AP4B1: variants seen among roughly 807,000 people sequenced by gnomAD.
The protein encoded by AP4B1 is adaptor related protein complex 4 subunit beta 1.
Under a neutral mutation model 76.5 loss-of-function variants are expected in AP4B1, and 49 were observed. The ratio of observed to expected loss-of-function variants is 0.64; its 90% confidence interval spans 0.51 to 0.81. The LOEUF (loss-of-function observed/expected upper bound fraction) is 0.81. AP4B1 is among the 40% of genes least tolerant of loss of function. The pLI, the probability that AP4B1 is intolerant of heterozygous loss-of-function variation, is 0.00. For missense variants in AP4B1, 911 were observed against 904.9 expected (o/e 1.01, Z -0.09); for synonymous variants, 330 against 333.3 (o/e 0.99, Z 0.11).
intron 4 of AP4B1, 122 bp downstream of exon 4, chr1:113,901,114 T>G (rs1168522462): frequency 7.5e-7 from 1 of 1,331,992 alleles, no homozygotes; most frequent in African/African-American, 1.5e-5. Flanking sequence ...TCTCAAATAA[T>G]AATAATAATA....
At position 113,895,400 on chromosome 1, in the gene AP4B1, C is replaced by T; in HGVS notation, c.1885G>A (p.Asp629Asn). The change falls in exon 10 of 10, where the codon GAT becomes AAT. Residue 629 changes from aspartate (D) to asparagine (N), a missense_variant. Transcript: ENST00000369569. ...MLVPNRQLTA[D>N]YFEKTWLSLK... is the part of the protein sequence containing the mutation. ...CTAAGCCAAGTTTTCTCAAAATAAT[C>T]AGCAGTAAGCTGGCGATTGGGGACT... 1 of 1,614,176 alleles carries T rather than the reference C, an allele frequency of 6.2e-7. No homozygotes were observed. Among genetic ancestry groups the T allele is most frequent in the Non-Finnish European group, 8.5e-7 (1 of 1,180,044 alleles).
chr1:113,895,538 G>A, intron 9 of AP4B1, 46 bp from the exon 10 acceptor site: 1 of 1,609,676 alleles, frequency 6.2e-7, no homozygotes. Flanking sequence ...TTAATCTGTA[G>A]GAGCTAAGTT....
At chr1:113,902,152 G>A in intron 2 of AP4B1, 2 of 467,408 alleles carry the variant, frequency 4.3e-6, no homozygotes, top group African/African-American at 3.9e-5. Flanking sequence ...CCATCCTCCT[G>A]CCTCAGCCTT....
rs1667314971 is a variant in AP4B1, at chr1:113,895,235, T to C, written c.2050A>G (p.Ser684Gly). ...AGACAGCCAGTATCATCCTGAGCAC[T>C]GAGGTATGCTTTCCATGGCCGAGAC... Reference protein sequence around the residue: ...AGSRPWKAYLSAQDDTGCLFL... With the variant: ...AGSRPWKAYLGAQDDTGCLFL... The change falls in exon 10 of 10, where the codon AGT becomes GGT. Residue 684 changes from serine to glycine, a missense_variant. Physicochemically the swap from Ser to Gly is moderately conservative, Grantham distance 56. Coordinates refer to ENST00000369569, the MANE Select transcript of AP4B1 (RefSeq NM_001253852.3). 3 of 1,614,230 alleles carry C rather than the reference T, an allele frequency of 1.9e-6. No individual in the cohort carries two copies. The highest frequency in any genetic ancestry group is 2.5e-6 in the Non-Finnish European group (3 of 1,180,042).
chr1:113,899,733 CA>C (rs3838300), intron 5 of AP4B1, 170 bp downstream of exon 5: 99 of 1,070,406 alleles, frequency 9.2e-5, no homozygotes, highest in Non-Finnish European at 1.1e-4. Context: ...AAACAAAAAA[CA>C]AAAAAAAACT....
At position 113,895,945 on chromosome 1, in the gene AP4B1, C is replaced by A. The variant is rs1429419881; in HGVS notation, c.1604G>T (p.Ser535Ile). The change falls in exon 9 of 10, where the codon AGC becomes ATC. Residue 535 changes from serine to isoleucine, a missense_variant. Transcript: ENST00000369569. ...GIDEVKRILC[S>I]PKSDPTLGLL... ...TCCAAGAGTAGGGTCAGATTTAGGG[C>A]TACACAGAATCCGCTTAACTTCATC... The A allele has an allele frequency of 5.0e-6, 8 of 1,614,190 alleles. No homozygotes were observed. Among genetic ancestry groups the A allele is most frequent in the Non-Finnish European group, 6.8e-6 (8 of 1,180,046 alleles).
chr1:113,900,695 G>A, intron 4 of AP4B1: 1 of 434,574 alleles, frequency 2.3e-6, no homozygotes, highest in South Asian at 2.7e-5. Context: ...GCTTAGTTTG[G>A]GGGACATGAC....
chr1:113,899,893 C>G lies in AP4B1; in HGVS notation c.1114+11G>C. On this transcript the variant is annotated intron_variant, in intron 5 of 9. Transcript: ENST00000369569. ...CTAGGTTCTCAAGAAGGAAAAGGAGCAGACACCTACCTATGGCAAAGATGG... is the reference window on the plus strand; with the variant it reads ...CTAGGTTCTCAAGAAGGAAAAGGAGGAGACACCTACCTATGGCAAAGATGG... 1 of 1,614,124 alleles carries G rather than the reference C, an allele frequency of 6.2e-7. No homozygotes were observed. Among genetic ancestry groups the G allele is most frequent in the Non-Finnish European group, 8.5e-7 (1 of 1,180,016 alleles).
chr1:113,903,987 G>GT (rs544834850), intron 1 of AP4B1, among the ~76,000 whole-genome samples: 263 of 152,316 alleles, frequency 1.7e-3, no homozygotes, highest in Admixed American at 2.7e-3. Flanking sequence ...ATGTGTTCAG[G>GT]TATGTATAAT....
intron 4 of AP4B1, 122 bp downstream of exon 4, chr1:113,901,108 AAATAAT>A (rs961373842): frequency 1.5e-6 from 2 of 1,305,608 alleles, no homozygotes; most frequent in Non-Finnish European, 2.1e-6. Flanking sequence ...ACTCCGTCTC[AAATAAT>A]AATAATAATA....
chr1:113,897,789 G>A (rs746725732), intron 7 of AP4B1, 51 bp downstream of exon 7: 12 of 1,583,908 alleles, frequency 7.6e-6, no homozygotes, highest in Non-Finnish European at 8.7e-7. Flanking sequence ...CAAAGGGCAG[G>A]GTTTCAAGCA....
intron 6 of AP4B1, 77 bp downstream of exon 6, chr1:113,898,641 A>G (rs1571550807): frequency 9.2e-7 from 1 of 1,090,696 alleles, no homozygotes; most frequent in East Asian, 2.4e-5. Context: ...TCATTCAACA[A>G]CAAACATGTT....
intron 1 of AP4B1, 26 bp from the exon 2 acceptor site, chr1:113,902,888 A>G (rs1250497570): frequency 1.2e-6 from 2 of 1,607,424 alleles, no homozygotes; most frequent in Non-Finnish European, 1.7e-6. Context: ...GACAGAAGGA[A>G]GTAAAATGCA....
chr1:113,903,124 G>A (rs1202800424), intron 1 of AP4B1, among the ~76,000 whole-genome samples: 1 of 152,210 alleles, frequency 6.6e-6, no homozygotes, highest in East Asian at 1.9e-4. Context: ...AGAGTGCAGT[G>A]GCACAATCTC....
chr1:113,901,415 A>G, intron 3 of AP4B1, 32 bp from the exon 4 acceptor site: 1 of 1,608,052 alleles, frequency 6.2e-7, no homozygotes, highest in Non-Finnish European at 8.5e-7. Flanking sequence ...TTAGATAAAG[A>G]AGGAAAGCTT....
At chr1:113,904,886 C>A, upstream of AP4B1, 2 of 659,116 alleles carry the variant, frequency 3.0e-6, no homozygotes, top group Non-Finnish European at 5.5e-6. Flanking sequence ...GGCCCTGACA[C>A]ACTTCCACGC....
At chr1:113,900,446 G>C in intron 4 of AP4B1, 46 bp from the exon 5 acceptor site, 1 of 1,608,164 alleles carries the variant, frequency 6.2e-7, no homozygotes, top group South Asian at 1.1e-5. Context: ...AACAAAATTA[G>C]GACCATTTCC....
At position 113,900,150 on chromosome 1, in the gene AP4B1, G is replaced by T; in HGVS notation, c.868C>A (p.Arg290Ser). 1 of 1,614,158 alleles carries T rather than the reference G, an allele frequency of 6.2e-7. No individual in the cohort carries two copies. The highest frequency in any genetic ancestry group is 8.5e-7 in the Non-Finnish European group (1 of 1,180,044). The change falls in exon 5 of 10, where the codon CGT becomes AGT. Residue 290 changes from arginine to serine, a missense_variant. Transcript: ENST00000369569. ...PLLAACSSES[R>S]ELCFVALCHV... ...CAAAGAGCAACAAAACAGAGCTCAC[G>T]GCTCTCTGAAGAACAGGCAGCTAGC...
rs752940030 is a variant in AP4B1 at position 113,895,255 on chromosome 1, C to T, written c.2030G>A (p.Arg677Gln). ...AGCACTGAGGTATGCTTTCCATGGC[C>T]GAGACCCAGCCCTACTCATTGCGAT... ...QTIAMSRAGS[R>Q]PWKAYLSAQD... is the part of the protein sequence containing the mutation. The change falls in exon 10 of 10, where the codon CGG becomes CAG. Residue 677 changes from arginine to glutamine, a missense_variant. Arg to Gln is a conservative substitution (Grantham distance 43, BLOSUM62 1). Coordinates refer to ENST00000369569, the MANE Select transcript of AP4B1 (RefSeq NM_001253852.3). 2.0e-5 allele frequency: 32 copies of T among 1,614,078 alleles called. No homozygotes were observed. Among genetic ancestry groups the T allele is most frequent in the Non-Finnish European group, 1.8e-5 (21 of 1,180,036 alleles).
Sources: allele counts gnomAD v4.1 joint callset (sites outside exome capture counted in the v4.1 genomes callset), GRCh38; gene constraint gnomAD v4.1.1; transcripts MANE v1.5; gene names NCBI Gene and HGNC (gene_info 2026-07-23, HGNC 2026-07-21).